Variants in DMGDH observed in about 807,000 individuals in gnomAD.
The protein encoded by DMGDH is dimethylglycine dehydrogenase, mitochondrial.
A neutral mutation model predicts 95.2 loss-of-function variants in DMGDH; 76 were observed. That is an observed-to-expected ratio of 0.80 (90% CI 0.66 to 0.97). The LOEUF (loss-of-function observed/expected upper bound fraction) is 0.97. Among genes scored for constraint, DMGDH ranks in the 50% least tolerant of loss-of-function variants. The pLI, the probability that DMGDH is intolerant of heterozygous loss-of-function variation, is 0.00. For missense variants in DMGDH, 987 were observed against 1,055.0 expected, an observed-to-expected ratio of 0.94 and a Z score of 0.89; for synonymous variants, 345 against 377.6, an observed-to-expected ratio of 0.91 and a Z score of 1.00.
At chr5:79,048,225 T>A (rs1754736543) in intron 5 of DMGDH, among the ~76,000 whole-genome samples, 1 of 152,184 alleles carries the variant, frequency 6.6e-6, no homozygotes, top group Admixed American at 6.5e-5. Context: ...CTACCCATAA[T>A]AACTTTTCAA....
At chr5:79,050,673 C>G (rs1020699418) in intron 5 of DMGDH, among the ~76,000 whole-genome samples, 3 of 152,160 alleles carry the variant, frequency 2.0e-5, no homozygotes, top group Non-Finnish European at 4.4e-5. Context: ...GGCCGCTTGG[C>G]CAAGTAACAT....
At chr5:79,017,407 A>T (rs1753754418) in intron 14 of DMGDH, among the ~76,000 whole-genome samples, 2 of 152,234 alleles carry the variant, frequency 1.3e-5, no homozygotes, top group Non-Finnish European at 2.9e-5. Flanking sequence ...ACATCAAAAA[A>T]TGTCCAACAT....
chr5:79,029,405 G>C (rs1754092603), intron 11 of DMGDH, among the ~76,000 whole-genome samples: 1 of 152,098 alleles, frequency 6.6e-6, no homozygotes, highest in Admixed American at 6.6e-5. Context: ...TCATGTAAAG[G>C]CTGGACTTGG....
chr5:79,058,741 GATAA>G (rs1042154435), intron 2 of DMGDH, among the ~76,000 whole-genome samples: 1 of 152,166 alleles, frequency 6.6e-6, no homozygotes, highest in Non-Finnish European at 1.5e-5. Context: ...TCTTTCTTGA[GATAA>G]ATAAACAAAT....
rs753870425 is a variant in DMGDH at position 79,063,686 on chromosome 5, A to AGGT, written c.200_202dup (p.His67dup). On this transcript the variant is annotated inframe_insertion, in exon 2 of 16. Coordinates refer to ENST00000255189, the MANE Select transcript of DMGDH (RefSeq NM_013391.3). Reference sequence around the variant, plus strand: ...CACATCTTTCATCCCTGCTTTGGCCAGGTGATAAGCCAGACTCACACCAAC... The same window carrying AGGT: ...CACATCTTTCATCCCTGCTTTGGCCAGGTGGTGATAAGCCAGACTCACACCAAC... The AGGT allele has an allele frequency of 1.2e-6, 2 of 1,614,216 alleles. No homozygotes were observed. The highest frequency in any genetic ancestry group is 1.7e-6 in the Non-Finnish European group (2 of 1,180,048).
chr5:79,021,210 T>C, intron 14 of DMGDH: 1 of 1,003,888 alleles, frequency 1.0e-6, no homozygotes, highest in Non-Finnish European at 1.2e-6. Context: ...GGCAGTGTTG[T>C]ATGCGGCTGG....
intron 7 of DMGDH, 51 bp downstream of exon 7, chr5:79,042,232 G>C: frequency 6.5e-7 from 1 of 1,540,338 alleles, no homozygotes; most frequent in Non-Finnish European, 9.0e-7. Flanking sequence ...ACTAGATTTA[G>C]CTAAAATAAG....
chr5:79,041,860 C>A (rs938471050), intron 7 of DMGDH, among the ~76,000 whole-genome samples: 1 of 151,998 alleles, frequency 6.6e-6, no homozygotes, highest in African/African-American at 2.4e-5. Flanking sequence ...AATTAGCCGG[C>A]GTGATGCCGG....
chr5:79,002,179 G>A (rs1416092513), intron 15 of DMGDH, among the ~76,000 whole-genome samples: 4 of 152,156 alleles, frequency 2.6e-5, no homozygotes, highest in African/African-American at 9.7e-5. Flanking sequence ...CATAATTTAA[G>A]TTTGATGTTC....
chr5:79,044,808 A>G (rs1754623634), intron 5 of DMGDH, among the ~76,000 whole-genome samples: 1 of 152,208 alleles, frequency 6.6e-6, no homozygotes, highest in Admixed American at 6.5e-5. Flanking sequence ...GTTATTGCCC[A>G]TAAGCAAAGG....
chr5:79,028,609 T>G lies in DMGDH; in HGVS notation c.1856A>C (p.Glu619Ala). ...EEAVKGGYDV[E>A]IKNITDELGV... is the part of the protein sequence containing the mutation. Reference sequence around the variant, plus strand: ...AAGCTCATCAGTTATGTTTTTAATTTCAACATCATATCCACCTTTGACTGC... The same window carrying G: ...AAGCTCATCAGTTATGTTTTTAATTGCAACATCATATCCACCTTTGACTGC... Residue 619 changes from glutamate to alanine, a missense_variant, in exon 12 of 16, where the codon GAA becomes GCA. Coordinates refer to ENST00000255189, the MANE Select transcript of DMGDH (RefSeq NM_013391.3). 1 of 1,614,212 alleles carries G rather than the reference T, an allele frequency of 6.2e-7. No individual in the cohort carries two copies. Among genetic ancestry groups the G allele is most frequent in the Non-Finnish European group, 8.5e-7 (1 of 1,180,038 alleles).
Position 79,055,867 on chromosome 5 carries a change from C to T in DMGDH, c.318G>A (p.Lys106=), listed in dbSNP as rs1157930089. The T allele has an allele frequency of 5.0e-6, 8 of 1,612,582 alleles. No individual in the cohort carries two copies. The highest frequency in any genetic ancestry group is 5.9e-6 in the Non-Finnish European group (7 of 1,178,728). ...GTTTGATGCTATCATAATGTATTTT[C>T]TTCAAGTTTATTCCAGGATGAAAGT... is the stretch of plus-strand genomic sequence containing the variant. ...TTYFHPGINL[K]KIHYDSIKLY... The change falls in exon 3 of 16, where the codon AAG becomes AAA. Residue 106 remains lysine (K), a synonymous_variant. Coordinates refer to ENST00000255189, the MANE Select transcript of DMGDH (RefSeq NM_013391.3).
chr5:79,017,754 G>A (rs746148365), intron 14 of DMGDH, among the ~76,000 whole-genome samples: 6 of 152,178 alleles, frequency 3.9e-5, no homozygotes, highest in Non-Finnish European at 8.8e-5. Flanking sequence ...GAACTGCACG[G>A]ATCCACTTAT....
intron 7 of DMGDH, among the ~76,000 whole-genome samples, chr5:79,036,022 G>A (rs1754338020): frequency 6.6e-6 from 1 of 152,212 alleles, no homozygotes; most frequent in African/African-American, 2.4e-5. Context: ...GAAAAGATCT[G>A]GGTATGATTC....
At position 79,030,054 on chromosome 5, in the gene DMGDH, A is replaced by G. The variant is rs1754114311; in HGVS notation, c.1684-20T>C. ...ACCCACCTACATAAAAAAATTAAAA[A>G]TTACCTTAGGATGAACTAAAAATCA... On this transcript the variant is annotated intron_variant, in intron 10 of 15. Coordinates refer to ENST00000255189, the MANE Select transcript of DMGDH (RefSeq NM_013391.3). 6.2e-7 allele frequency: 1 copy of G among 1,607,272 alleles called. No homozygotes were observed. The highest frequency in any genetic ancestry group is 1.3e-5 in the African/African-American group (1 of 74,572).
intron 14 of DMGDH, among the ~76,000 whole-genome samples, chr5:79,009,976 T>G (rs1388405760): frequency 2.0e-5 from 3 of 152,178 alleles, no homozygotes; most frequent in Admixed American, 6.5e-5. Flanking sequence ...ACTATATAAA[T>G]AGCTATTAAT....
chr5:79,053,718 C>A (rs944691468), intron 4 of DMGDH, among the ~76,000 whole-genome samples: 2 of 152,152 alleles, frequency 1.3e-5, no homozygotes, highest in Admixed American at 1.3e-4. Flanking sequence ...AAATCTAGAT[C>A]CGTACCTAGC....
intron 4 of DMGDH, 126 bp downstream of exon 4, chr5:79,054,058 A>T: frequency 9.6e-7 from 1 of 1,038,716 alleles, no homozygotes; most frequent in Non-Finnish European, 1.4e-6. Flanking sequence ...TTCCAAAATT[A>T]ATCATATGAT....
At chr5:79,004,703 C>T (rs112967545) in intron 15 of DMGDH, among the ~76,000 whole-genome samples, 2 of 152,212 alleles carry the variant, frequency 1.3e-5, no homozygotes, top group African/African-American at 4.8e-5. Context: ...ATCTGACTAA[C>T]TCTGGTTTTA....
Sources: gnomAD v4.1 joint callset for allele counts (sites outside exome capture counted in the v4.1 genomes callset) on GRCh38, gnomAD v4.1.1 for gene constraint, MANE v1.5 for transcripts, NCBI Gene and HGNC (gene_info 2026-07-23, HGNC 2026-07-21) for gene names.